Variants in THADA observed in about 807,000 individuals in gnomAD.
THADA encodes the protein THADA armadillo repeat containing.
THADA carries 213 observed loss-of-function variants against 219.8 expected under a neutral mutation model. The observed-to-expected ratio is 0.97, with a 90% CI of 0.87 to 1.09. The LOEUF (loss-of-function observed/expected upper bound fraction) is 1.09. Among genes scored for constraint, THADA ranks in the 50% least tolerant of loss-of-function variants. The pLI, the probability that THADA is intolerant of heterozygous loss-of-function variation, is 0.00. For synonymous variants in THADA, 1,018 were observed against 828.9 expected (o/e 1.23, Z -3.92); for missense variants, 2,956 against 2,311.3 (o/e 1.28, Z -5.72).
intron 21 of THADA, chr2:43,538,661 AAGG>A (rs772667461): frequency 6.6e-6 from 1 of 152,224 alleles, no homozygotes; most frequent in East Asian, 1.9e-4. Flanking sequence ...ACAGGCTGGC[AAGG>A]AGAAGAACTG....
intron 22 of THADA, among the ~76,000 whole-genome samples, chr2:43,520,973 G>GAGGGAGGA (rs1454186998): frequency 8.9e-6 from 1 of 111,820 alleles, no homozygotes; most frequent in Non-Finnish European, 1.8e-5. Flanking sequence ...GGGAGGAAGG[G>GAGGGAGGA]AGGGAGGAAG....
intron 22 of THADA, among the ~76,000 whole-genome samples, chr2:43,520,989 AAAGGGAGGAAAGGGAGGGAAGGGAGGG>A (rs1692373564): frequency 2.0e-5 from 1 of 50,220 alleles, no homozygotes; most frequent in Non-Finnish European, 4.3e-5. Flanking sequence ...GGAAGGGAGG[AAAGGGAGGAAAGGGAGGGAAGGGAGGG>A]AAGGGAGGGA....
rs899278441 is a variant in THADA, at chr2:43,417,865, C to G, written c.4058+10235G>C. Among the ~76,000 whole-genome samples, 3 of 152,188 alleles carry G rather than the reference C, an allele frequency of 2.0e-5. No individual in the cohort carries two copies. The East Asian group carries it at 5.8e-4, about 29-fold the overall frequency. ...AAGTTCCTACTGCCCAACATTCCCC[C>G]CCTCTGTGGAATGGGATAGTAACGA... is the stretch of plus-strand genomic sequence containing the variant. On this transcript the variant is annotated intron_variant, in intron 28 of 37. Coordinates refer to ENST00000405975, the MANE Select transcript of THADA (RefSeq NM_022065.5).
At chr2:43,248,253 G>C (rs917548647) in intron 36 of THADA, among the ~76,000 whole-genome samples, 2 of 114,600 alleles carry the variant, frequency 1.7e-5, no homozygotes, top group Non-Finnish European at 3.6e-5. Context: ...AGAGAGAGAC[G>C]GAGTCTCGCT....
chr2:43,274,451 C>T (rs961374320), intron 36 of THADA, among the ~76,000 whole-genome samples: 3 of 152,186 alleles, frequency 2.0e-5, no homozygotes, highest in African/African-American at 7.2e-5. Flanking sequence ...ACAAATTGAG[C>T]ACCCACTGTG....
chr2:43,430,347 G>T, intron 26 of THADA, 45 bp from the exon 27 acceptor site: 2 of 1,135,530 alleles, frequency 1.8e-6, no homozygotes, highest in Non-Finnish European at 2.5e-6. Flanking sequence ...TATTCCCTTT[G>T]ATCTGACAAT....
Position 43,508,637 on chromosome 2 carries a change from C to G in THADA, c.3507+11G>C. 1 of 1,610,980 alleles carries G rather than the reference C, an allele frequency of 6.2e-7. No homozygotes were observed. The highest frequency in any genetic ancestry group is 1.1e-5 in the South Asian group (1 of 90,542). On this transcript the variant is annotated intron_variant, in intron 23 of 37. Coordinates refer to ENST00000405975, the MANE Select transcript of THADA (RefSeq NM_022065.5). ...ATATAAACAAACAGCTAGGGTCCTA[C>G]AGATAAATACCTGTATGTAGAAAGG...
rs1220516830 is a variant in THADA, at chr2:43,244,736, G to A, written c.5297-11854C>T. 2.0e-5 allele frequency among the ~76,000 whole-genome samples: 3 copies of A among 152,232 alleles called. No individual in the cohort carries two copies. The East Asian group carries it at 5.8e-4, about 29-fold the overall frequency. On this transcript the variant is annotated intron_variant, in intron 36 of 37. Coordinates refer to ENST00000405975, the MANE Select transcript of THADA (RefSeq NM_022065.5). ...CTTTCCTGTGAAAAGTGCAAAGCCA[G>A]TCCCTCCACAGCAGATGAGTCCCTC... is the stretch of plus-strand genomic sequence containing the variant.
At chr2:43,368,116 C>T (rs1558649241) in intron 29 of THADA, among the ~76,000 whole-genome samples, 2 of 152,120 alleles carry the variant, frequency 1.3e-5, no homozygotes, top group African/African-American at 4.8e-5. Context: ...AAAACTCTAT[C>T]TCACAAAAAC....
chr2:43,456,377 T>A (rs993756997), intron 26 of THADA, among the ~76,000 whole-genome samples: 1 of 152,162 alleles, frequency 6.6e-6, no homozygotes, highest in African/African-American at 2.4e-5. Flanking sequence ...CATCATGGAA[T>A]AGAATGTGAA....
intron 36 of THADA, among the ~76,000 whole-genome samples, chr2:43,235,457 C>A (rs1572709526): frequency 2.0e-5 from 3 of 151,882 alleles, no homozygotes; most frequent in Admixed American, 1.3e-4. Context: ...CCACACCCGG[C>A]TAATTTTGTA....
chr2:43,398,887 A>C (rs1674428164), intron 28 of THADA, among the ~76,000 whole-genome samples: 1 of 152,224 alleles, frequency 6.6e-6, no homozygotes, highest in African/African-American at 2.4e-5. Context: ...ATGGACCTTC[A>C]AATCACCAAA....
At chr2:43,367,773 T>C (rs1309320905) in intron 29 of THADA, among the ~76,000 whole-genome samples, 3 of 152,150 alleles carry the variant, frequency 2.0e-5, no homozygotes, top group South Asian at 2.1e-4. Context: ...TACTGTTATG[T>C]TGGAGAGAAA....
intron 30 of THADA, among the ~76,000 whole-genome samples, chr2:43,322,578 A>C (rs1205764349): frequency 1.3e-5 from 2 of 151,738 alleles, no homozygotes; most frequent in Non-Finnish European, 2.9e-5. Context: ...ATGAAAATGA[A>C]ATCCCTTTTC....
chr2:43,332,903 C>T (rs747643957), intron 30 of THADA, among the ~76,000 whole-genome samples: 7 of 152,110 alleles, frequency 4.6e-5, no homozygotes, highest in Non-Finnish European at 7.3e-5. Context: ...TGTGCAGTTG[C>T]GTAAAAGGAC....
At chr2:43,581,970 C>T (rs969767586) in intron 7 of THADA, 42 bp from the exon 8 acceptor site, 2 of 1,408,950 alleles carry the variant, frequency 1.4e-6, no homozygotes, top group African/African-American at 2.9e-5. Context: ...GAAATTCAAA[C>T]AAAAGTGTGA....
rs538530020 is a variant in THADA, at chr2:43,577,214, T to A, written c.845A>T (p.Asp282Val). The A allele has an allele frequency of 1.9e-6, 3 of 1,598,728 alleles. No homozygotes were observed. The South Asian group carries it at 3.4e-5, about 18-fold the overall frequency. The change falls in exon 10 of 38, where the codon GAC (aspartate) becomes GTC (valine). Residue 282 changes from aspartate to valine, a missense_variant. Transcript: ENST00000405975. The part of the protein sequence containing the change: ...LISSVLLRSV[D>V]CTSVPEWFMS... ...AAACCACTCGGGGACACTGGTGCAG[T>A]CCACTGAACGAAGCAGCACACTGCT...
intron 13 of THADA, among the ~76,000 whole-genome samples, chr2:43,571,101 T>G (rs576725267): frequency 3.3e-5 from 5 of 151,948 alleles, no homozygotes; most frequent in Admixed American, 3.3e-4. Flanking sequence ...AAAAAAAAAT[T>G]AAATATTAGT....
intron 26 of THADA, among the ~76,000 whole-genome samples, chr2:43,447,305 AAACCATATCT>A (rs1309907498): frequency 3.9e-5 from 6 of 152,090 alleles, no homozygotes; most frequent in African/African-American, 1.4e-4. Context: ...AAACCATATC[AAACCATATCT>A]ATATTACTCC....
Sources: gnomAD v4.1 joint callset for allele counts (sites outside exome capture counted in the v4.1 genomes callset) on GRCh38, gnomAD v4.1.1 for gene constraint, MANE v1.5 for transcripts, NCBI Gene and HGNC (gene_info 2026-07-23, HGNC 2026-07-21) for gene names.